LMNB2: variants seen among roughly 807,000 people sequenced by gnomAD.
The protein encoded by LMNB2 is lamin-B2.
In LMNB2, 17 loss-of-function variants were observed where a neutral mutation model predicts 69.3. The observed-to-expected ratio is 0.25, with a 90% confidence interval of 0.17 to 0.37. LMNB2 has a LOEUF of 0.37. LMNB2 is among the 10% of genes least tolerant of loss of function. The pLI, the probability that LMNB2 is intolerant of heterozygous loss-of-function variation, is 1.00. For synonymous variants in LMNB2, 397 were observed against 389.3 expected (o/e 1.02, Z -0.23); for missense variants, 789 against 883.6 (o/e 0.89, Z 1.36).
intron 4 of LMNB2, 87 bp downstream of exon 4, chr19:2,438,076 G>A: frequency 6.3e-7 from 1 of 1,591,070 alleles, no homozygotes; most frequent in South Asian, 1.1e-5. Context: ...CGGCCACACG[G>A]TGCCCTCAGG....
At chr19:2,455,089 C>T (rs770847942) in intron 1 of LMNB2, among the ~76,000 whole-genome samples, 10 of 152,050 alleles carry the variant, frequency 6.6e-5, no homozygotes, top group Non-Finnish European at 1.2e-4. Flanking sequence ...CCAAATTTCC[C>T]GTGGGACCCC....
At chr19:2,452,580 G>C (rs1172308039) in intron 1 of LMNB2, among the ~76,000 whole-genome samples, 3 of 152,104 alleles carry the variant, frequency 2.0e-5, no homozygotes, top group Non-Finnish European at 4.4e-5. Flanking sequence ...ACAAAAATTA[G>C]CCGGGTGTGG....
intron 9 of LMNB2, among the ~76,000 whole-genome samples, 164 bp downstream of exon 9, chr19:2,432,252 G>A (rs1971749403): frequency 6.6e-6 from 1 of 152,106 alleles, no homozygotes; most frequent in South Asian, 2.1e-4. Context: ...CCAGTGGGGT[G>A]ACACCAGCAC....
At chr19:2,454,247 C>T (rs970767360) in intron 1 of LMNB2, among the ~76,000 whole-genome samples, 3 of 147,802 alleles carry the variant, frequency 2.0e-5, no homozygotes, top group Non-Finnish European at 3.0e-5. Flanking sequence ...GAGCTAAGAT[C>T]GCGCCACTGC....
chr19:2,437,518 T>G (rs915278367), intron 4 of LMNB2, among the ~76,000 whole-genome samples: 2 of 152,222 alleles, frequency 1.3e-5, no homozygotes, highest in Admixed American at 1.3e-4. Context: ...AGATATGTTT[T>G]GGCTGGGCAT....
In LMNB2 at chr19:2,430,791, T is replaced by G; in HGVS notation, c.*120A>C. 1.2e-6 allele frequency: 1 copy of G among 806,212 alleles called. No individual in the cohort carries two copies. The highest frequency in any genetic ancestry group is 1.7e-5 in the African/African-American group (1 of 59,650). The allele number at this position is 806,212 out of a possible 1,614,324, so 49.9% of individuals were successfully genotyped here. On this transcript the variant is annotated 3_prime_UTR_variant, in exon 12 of 12. Coordinates refer to ENST00000325327, the MANE Select transcript of LMNB2 (RefSeq NM_032737.4). ...GGGCTGGGGGAGACCCACCCACACG[T>G]TCTGGCAGTTCGCTTAGAAATTCTC...
intron 11 of LMNB2, among the ~76,000 whole-genome samples, chr19:2,431,223 A>G (rs2145443469): frequency 6.6e-6 from 1 of 152,328 alleles, no homozygotes; most frequent in South Asian, 2.1e-4. Context: ...AGAAGCCAGT[A>G]TTGAAGGGAC....
chr19:2,455,718 G>C (rs931842057), intron 1 of LMNB2, among the ~76,000 whole-genome samples: 1 of 150,924 alleles, frequency 6.6e-6, no homozygotes, highest in Non-Finnish European at 1.5e-5. Flanking sequence ...AAGAGAATGG[G>C]CCACTCCGGT....
intron 1 of LMNB2, among the ~76,000 whole-genome samples, chr19:2,452,176 G>A (rs551286766): frequency 2.0e-5 from 3 of 151,866 alleles, no homozygotes; most frequent in East Asian, 1.9e-4. Flanking sequence ...CATCCACACC[G>A]CCAAAAGACA....
At chr19:2,441,638 G>C (rs979473149) in intron 2 of LMNB2, among the ~76,000 whole-genome samples, 5 of 152,260 alleles carry the variant, frequency 3.3e-5, no homozygotes, top group South Asian at 4.1e-4. Flanking sequence ...TCTCACACCA[G>C]AGGTGCATCT....
chr19:2,434,210 C>T, intron 7 of LMNB2, 85 bp downstream of exon 7: 1 of 1,545,560 alleles, frequency 6.5e-7, no homozygotes, highest in South Asian at 1.2e-5. Flanking sequence ...CCCTGCCCAG[C>T]ACTCCCCGCA....
At chr19:2,455,692 C>T (rs77904139) in intron 1 of LMNB2, among the ~76,000 whole-genome samples, 6,506 of 152,226 alleles carry the variant, frequency 0.043, 156 homozygotes, top group Non-Finnish European at 0.051. Flanking sequence ...GCCCTAGAAA[C>T]CCCCTGGAGG....
chr19:2,431,605 A>T lies in LMNB2; in HGVS notation c.1764T>A (p.Asn588Lys), dbSNP rs761133517. Residue 588 changes from asparagine to lysine, a missense_variant, in exon 11 of 12, where the codon AAT becomes AAA. This residue lies in a region of LMNB2 where 609 missense variants were observed against 630.9 expected (regional missense o/e 0.97). Coordinates refer to ENST00000325327, the MANE Select transcript of LMNB2 (RefSeq NM_032737.4). The part of the protein sequence containing the change: ...KKSSVMRENE[N>K]GEEEEEEAEF... ...CGGCTTCCTCCTCCTCTTCCTCCCC[A>T]TTCTCATTCTCACGCATCACCGAGG... is the stretch of plus-strand genomic sequence containing the variant. The T allele has an allele frequency of 6.2e-7, 1 of 1,613,944 alleles. No homozygotes were observed.
Position 2,430,803 on chromosome 19 carries a change from G to A in LMNB2, c.*108C>T, listed in dbSNP as rs892397499. ...ACCCACCCACACGTTCTGGCAGTTC[G>A]CTTAGAAATTCTCTAGAAATGTATC... On this transcript the variant is annotated 3_prime_UTR_variant, in exon 12 of 12. Transcript: ENST00000325327. The A allele has an allele frequency of 3.5e-6, 3 of 858,366 alleles. No individual in the cohort carries two copies. The highest frequency in any genetic ancestry group is 1.3e-5 in the South Asian group (1 of 74,618). 53.2% of individuals were successfully genotyped at this position (858,366 alleles called of 1,614,324 possible).
At chr19:2,437,654 A>G (rs117791483) in intron 4 of LMNB2, among the ~76,000 whole-genome samples, 5,375 of 151,938 alleles carry the variant, frequency 0.035, 127 homozygotes, top group Non-Finnish European at 0.051. Flanking sequence ...TACATAAATT[A>G]CCTGGGCATG....
Position 2,434,937 on chromosome 19 carries a change from TGCGGGCGCGGG to T in LMNB2, c.856-35_856-25del, listed in dbSNP as rs756499916. 2.5e-6 allele frequency: 4 copies of T among 1,592,430 alleles called. No homozygotes were observed. The South Asian group carries it at 4.4e-5, about 18-fold the overall frequency. On this transcript the variant is annotated intron_variant, in intron 5 of 11. Transcript: ENST00000325327. ...AGCTGTGGGGAGACGGGCGGGTGAG[TGCGGGCGCGGG>T]GCGGGGCGGGGTTCCCACCGGCCGC...
Position 2,439,035 on chromosome 19 carries a change from CTTTTTTTTTTT to C in LMNB2, c.402-515_402-505del, listed in dbSNP as rs397945879. Among the ~76,000 whole-genome samples the C allele has an allele frequency of 1.1e-3, 69 of 65,708 alleles. 1 individual carries two copies. The highest frequency in any genetic ancestry group is 3.9e-3 in the South Asian group (6 of 1,536). 43.1% of individuals were successfully genotyped at this position (65,708 alleles called of 152,430 possible). On this transcript the variant is annotated intron_variant, in intron 2 of 11. Transcript: ENST00000325327. ...CCAGTGTGGATTGTAGGCACTTAAG[CTTTTTTTTTTT>C]TTTTTTTTTTTTTTTTTTTAAGAGA...
rs771636427 is a variant in LMNB2 at position 2,434,872 on chromosome 19, C to T, written c.897G>A (p.Ala299=). ...TCAGCTCCTCGCGAGCCGCACTGGC[C>T]GCCTTGTCGTTCTGGTCAGAGCTCA... ...AKLSSDQNDK[A]ASAAREELKE... The change falls in exon 6 of 12, where the codon GCG becomes GCA. Residue 299 remains alanine, a synonymous_variant. Transcript: ENST00000325327. The T allele has an allele frequency of 2.5e-5, 40 of 1,607,424 alleles. No homozygotes were observed. Among genetic ancestry groups the T allele is most frequent in the South Asian group, 1.5e-4 (14 of 90,968 alleles).
In LMNB2 at chr19:2,443,986, G is replaced by A. The variant is rs1056340033; in HGVS notation, c.401+418C>T. ...GTCCCAACAGCTGGGACAAAACCCC[G>A]GCACCAAGAACATCCAACCACAGGG... On this transcript the variant is annotated intron_variant, in intron 2 of 11. Coordinates refer to ENST00000325327, the MANE Select transcript of LMNB2 (RefSeq NM_032737.4). The surrounding 1 kb of genome is among the most constrained non-coding windows in gnomAD (Gnocchi z 6.2). Among the ~76,000 whole-genome samples the A allele has an allele frequency of 5.9e-5, 9 of 152,042 alleles. No homozygotes were observed. The highest frequency in any genetic ancestry group is 9.7e-5 in the African/African-American group (4 of 41,398).
Sources: allele counts gnomAD v4.1 joint callset (sites outside exome capture counted in the v4.1 genomes callset), GRCh38; gene constraint gnomAD v4.1.1; regional missense constraint gnomAD v4.1.1; non-coding constraint Gnocchi (gnomAD v3.1); transcripts MANE v1.5; gene names NCBI Gene and HGNC (gene_info 2026-07-23, HGNC 2026-07-21).